Variants in ZNF407 observed in about 807,000 individuals in gnomAD.
ZNF407 encodes zinc finger protein 407.
ZNF407 carries 17 observed loss-of-function variants against 131.2 expected under a neutral mutation model. The observed-to-expected ratio is 0.13, with a 90% confidence interval of 0.09 to 0.19. ZNF407 has a LOEUF of 0.19. Ranked by LOEUF, ZNF407 falls within the 10% of genes least tolerant of loss-of-function variation. ZNF407 has a pLI of 1.00. For synonymous variants in ZNF407, 1,156 were observed against 1,062.0 expected (o/e 1.09, Z -1.72); for missense variants, 2,681 against 2,830.6 (o/e 0.95, Z 1.20).
chr18:75,024,961 A>C (rs558847555), intron 8 of ZNF407, among the ~76,000 whole-genome samples: 1 of 152,354 alleles, frequency 6.6e-6, no homozygotes, highest in East Asian at 1.9e-4. Context: ...CATTTAAAAA[A>C]ATGTGTGTTT....
In ZNF407 at chr18:75,063,139, G is replaced by C. The variant is rs1348145541; in HGVS notation, c.5429-11G>C. On this transcript the variant is annotated splice_polypyrimidine_tract_variant and intron_variant, in intron 8 of 8. Transcript: ENST00000299687. The surrounding 1 kb of genome is among the most constrained non-coding windows in gnomAD (Gnocchi z 6.6). Reference sequence around the variant, plus strand: ...TTTTTCCAGGCTCTAACTGGTCCCTGTCTCCCTTAGGCATTGTTTCCAAGT... The same window carrying C: ...TTTTTCCAGGCTCTAACTGGTCCCTCTCTCCCTTAGGCATTGTTTCCAAGT... The C allele has an allele frequency of 1.9e-6, 3 of 1,548,414 alleles. No individual in the cohort carries two copies. Among genetic ancestry groups the C allele is most frequent in the Non-Finnish European group, 2.6e-6 (3 of 1,146,538 alleles).
Position 74,961,858 on chromosome 18 carries a change from C to T in ZNF407, c.5428+41166C>T, listed in dbSNP as rs115210138. 2.5e-3 allele frequency among the ~76,000 whole-genome samples: 372 copies of T among 151,274 alleles called. 2 individuals carry two copies. Among genetic ancestry groups the T allele is most frequent in the African/African-American group, 8.7e-3 (359 of 41,370 alleles). On this transcript the variant is annotated intron_variant, in intron 8 of 8. Coordinates refer to ENST00000299687, the MANE Select transcript of ZNF407 (RefSeq NM_017757.3). ...CCCACCCACTCCCTACATTCTCTTC[C>T]CAAGTCTGTAGTGCTTCGGATCAGA...
intron 3 of ZNF407, among the ~76,000 whole-genome samples, chr18:74,738,382 T>C (rs1316401462): frequency 8.4e-6 from 1 of 118,554 alleles, no homozygotes; most frequent in Non-Finnish European, 1.6e-5. Context: ...ATCGTGGCAC[T>C]GCACTCCAGC....
chr18:74,859,419 G>C (rs1044690149), intron 4 of ZNF407, among the ~76,000 whole-genome samples: 12 of 152,080 alleles, frequency 7.9e-5, no homozygotes, highest in Non-Finnish European at 1.8e-4. Flanking sequence ...TCAAATGTGG[G>C]GCAGTTCTGA....
chr18:74,902,955 A>G (rs1971549150), intron 7 of ZNF407, among the ~76,000 whole-genome samples: 1 of 152,166 alleles, frequency 6.6e-6, no homozygotes. Flanking sequence ...CAGTGCCTGC[A>G]GTATGCCAGG....
At chr18:74,904,921 A>G (rs1971575522) in intron 7 of ZNF407, among the ~76,000 whole-genome samples, 3 of 152,242 alleles carry the variant, frequency 2.0e-5, no homozygotes, top group African/African-American at 4.8e-5. Flanking sequence ...AATAATGTGG[A>G]AAGCAAGACA....
intron 8 of ZNF407, among the ~76,000 whole-genome samples, chr18:74,972,512 C>T (rs535350063): frequency 3.9e-5 from 6 of 152,300 alleles, no homozygotes; most frequent in African/African-American, 1.4e-4. Context: ...TCTTTCACTC[C>T]CTGCTTTATC....
At chr18:74,694,623 AC>A (rs1227654266) in intron 3 of ZNF407, among the ~76,000 whole-genome samples, 20 of 152,204 alleles carry the variant, frequency 1.3e-4, no homozygotes, top group Non-Finnish European at 2.6e-4. Context: ...AGTAGGTGAT[AC>A]ACTGTGCTCT....
At chr18:74,708,444 G>A (rs1161781319) in intron 3 of ZNF407, among the ~76,000 whole-genome samples, 2 of 152,196 alleles carry the variant, frequency 1.3e-5, no homozygotes, top group Admixed American at 6.5e-5. Context: ...CCTCTGCTAT[G>A]TAGCCTATTT....
chr18:74,939,925 T>C (rs1281535321), intron 8 of ZNF407, among the ~76,000 whole-genome samples: 4 of 152,220 alleles, frequency 2.6e-5, no homozygotes, highest in African/African-American at 9.6e-5. Flanking sequence ...CTGTGTGATC[T>C]TGGGAAGCTT....
chr18:75,000,661 T>C (rs1972834376), intron 8 of ZNF407, among the ~76,000 whole-genome samples: 1 of 151,652 alleles, frequency 6.6e-6, no homozygotes, highest in African/African-American at 2.4e-5. Context: ...GATGCATCTA[T>C]TTTTAATCTT....
At chr18:74,772,382 T>C (rs757603479) in intron 3 of ZNF407, among the ~76,000 whole-genome samples, 3 of 152,214 alleles carry the variant, frequency 2.0e-5, no homozygotes, top group Non-Finnish European at 4.4e-5. Context: ...TTGGTTGATG[T>C]TGGCTTCTTT....
At chr18:74,997,248 T>A (rs1323784384) in intron 8 of ZNF407, among the ~76,000 whole-genome samples, 3 of 152,134 alleles carry the variant, frequency 2.0e-5, no homozygotes, top group Non-Finnish European at 2.9e-5. Flanking sequence ...AATGAATTAA[T>A]TTAGATTATC....
chr18:74,689,014 G>C (rs1193751440), intron 3 of ZNF407, among the ~76,000 whole-genome samples: 1 of 152,098 alleles, frequency 6.6e-6, no homozygotes, highest in African/African-American at 2.4e-5. Flanking sequence ...TTTTTGTAGA[G>C]ATGGGGTTTC....
chr18:74,763,431 A>T (rs1033934077), intron 3 of ZNF407, among the ~76,000 whole-genome samples: 1 of 151,136 alleles, frequency 6.6e-6, no homozygotes, highest in African/African-American at 2.4e-5. Context: ...AAAAATTTCC[A>T]TGTAGTCCAA....
intron 8 of ZNF407, among the ~76,000 whole-genome samples, chr18:75,033,526 G>C (rs1290014443): frequency 6.6e-6 from 1 of 152,208 alleles, no homozygotes; most frequent in Admixed American, 6.5e-5. Context: ...TCCGTCCCTT[G>C]TGGGGATTCA....
At chr18:74,905,156 G>A (rs955612314) in intron 7 of ZNF407, 1 of 152,178 alleles carries the variant, frequency 6.6e-6, no homozygotes, top group African/African-American at 2.4e-5. Flanking sequence ...TTGTTTTTAT[G>A]TAGTACCTAC....
At chr18:74,744,118 C>T (rs1269839553) in intron 3 of ZNF407, among the ~76,000 whole-genome samples, 2 of 152,136 alleles carry the variant, frequency 1.3e-5, no homozygotes, top group Admixed American at 6.6e-5. Context: ...ATTTTTGTGA[C>T]CTGCAGGCAA....
intron 8 of ZNF407, among the ~76,000 whole-genome samples, chr18:74,969,406 G>T (rs549188942): frequency 9.4e-4 from 143 of 152,152 alleles, no homozygotes; most frequent in African/African-American, 2.8e-3. Context: ...TTTAGTAGAC[G>T]TTTCCCTTGT....
Sources: allele counts gnomAD v4.1 joint callset (sites outside exome capture counted in the v4.1 genomes callset), GRCh38; gene constraint gnomAD v4.1.1; non-coding constraint Gnocchi (gnomAD v3.1); transcripts MANE v1.5; gene names NCBI Gene and HGNC (gene_info 2026-07-23, HGNC 2026-07-21).